Variants in TTC27 observed in about 807,000 individuals in gnomAD.
The protein encoded by TTC27 is tetratricopeptide repeat domain 27.
TTC27 carries 79 observed loss-of-function variants against 115.9 expected under a neutral mutation model. The observed-to-expected ratio is 0.68, with a 90% CI of 0.57 to 0.82. The LOEUF (loss-of-function observed/expected upper bound fraction) is 0.82, where lower values mean the gene tolerates loss of function less well. TTC27 is among the 40% of genes least tolerant of loss of function. The pLI is 0.00. For missense variants in TTC27, 1,054 were observed against 993.1 expected, an observed-to-expected ratio of 1.06 and a Z score of -0.82; for synonymous variants, 401 against 356.0, an observed-to-expected ratio of 1.13 and a Z score of -1.42.
rs1665787363 is a variant in TTC27, at chr2:32,666,652, A to G, written c.823A>G (p.Thr275Ala). Residue 275 changes from threonine to alanine, a missense_variant, in exon 7 of 20, where the codon ACA (threonine) becomes GCA (alanine). Transcript: ENST00000317907. ...IDLTGALGKR[T>A]RFQENYVAQL... ...TTTTTCAGGTGCTTTGGGAAAAAGA[A>G]CACGGTTCCAGGAAAATTATGTGGC... 1.2e-6 allele frequency: 2 copies of G among 1,613,836 alleles called. No individual in the cohort carries two copies. Among genetic ancestry groups the G allele is most frequent in the East Asian group, 2.2e-5 (1 of 44,884 alleles).
intron 12 of TTC27, among the ~76,000 whole-genome samples, chr2:32,754,679 C>T (rs59146030): frequency 6.6e-6 from 1 of 150,452 alleles, no homozygotes; most frequent in East Asian, 2.0e-4. Flanking sequence ...CAGACGGGGT[C>T]GTGGCCGGGC....
intron 6 of TTC27, among the ~76,000 whole-genome samples, chr2:32,665,012 T>A (rs1018534065): frequency 5.3e-5 from 8 of 151,636 alleles, no homozygotes; most frequent in East Asian, 1.9e-4. Flanking sequence ...TTTTTTATTT[T>A]TTTTTTGTAT....
intron 16 of TTC27, among the ~76,000 whole-genome samples, chr2:32,805,421 AGTTT>A (rs1671095530): frequency 1.3e-5 from 2 of 152,326 alleles, no homozygotes; most frequent in Admixed American, 1.3e-4. Flanking sequence ...ACCATGAGAA[AGTTT>A]GTTTTACCTC....
intron 4 of TTC27, among the ~76,000 whole-genome samples, chr2:32,644,696 T>C (rs1664784397): frequency 6.6e-6 from 1 of 152,074 alleles, no homozygotes; most frequent in Non-Finnish European, 1.5e-5. Flanking sequence ...CCTGAGTAGC[T>C]GGAACTTCAG....
chr2:32,819,128 AG>A (rs1481202063), intron 19 of TTC27, among the ~76,000 whole-genome samples: 1 of 152,200 alleles, frequency 6.6e-6, no homozygotes, highest in Non-Finnish European at 1.5e-5. Flanking sequence ...TTACTTCTTC[AG>A]GGTATACTGT....
At chr2:32,800,702 G>A (rs1262191794) in intron 16 of TTC27, among the ~76,000 whole-genome samples, 1 of 151,666 alleles carries the variant, frequency 6.6e-6, no homozygotes, top group African/African-American at 2.4e-5. Flanking sequence ...GTTTCACCGT[G>A]TTGGCCAGGA....
Position 32,709,464 on chromosome 2 carries a change from C to T in TTC27, c.1233+6544C>T, listed in dbSNP as rs4380293. 6.0e-3 allele frequency among the ~76,000 whole-genome samples: 914 copies of T among 152,204 alleles called. 9 individuals carry two copies. Among genetic ancestry groups the T allele is most frequent in the Non-Finnish European group, 8.0e-3 (543 of 68,016 alleles). On this transcript the variant is annotated intron_variant, in intron 10 of 19. Coordinates refer to ENST00000317907, the MANE Select transcript of TTC27 (RefSeq NM_017735.5). ...TCAGACTTTGAAATATTTGCATATA[C>T]GTAATGAGATATTTTGGGGATGGGA... is the stretch of plus-strand genomic sequence containing the variant.
intron 4 of TTC27, among the ~76,000 whole-genome samples, chr2:32,641,962 TCTC>T (rs1168320461): frequency 6.6e-6 from 1 of 152,182 alleles, no homozygotes; most frequent in Non-Finnish European, 1.5e-5. Flanking sequence ...TTCACACCAT[TCTC>T]CTGCCTCAGC....
chr2:32,668,425 A>T (rs2151881913), intron 7 of TTC27, among the ~76,000 whole-genome samples: 1 of 151,820 alleles, frequency 6.6e-6, no homozygotes, highest in East Asian at 1.9e-4. Context: ...TAAATAGGAT[A>T]TGATGAGTAT....
intron 4 of TTC27, among the ~76,000 whole-genome samples, chr2:32,641,063 T>C (rs1387616776): frequency 1.3e-5 from 2 of 152,172 alleles, no homozygotes; most frequent in African/African-American, 4.8e-5. Context: ...GAATTTCATG[T>C]AGGATAATGA....
intron 19 of TTC27, among the ~76,000 whole-genome samples, chr2:32,820,054 C>A (rs1558360637): frequency 6.6e-6 from 1 of 152,338 alleles, no homozygotes; most frequent in African/African-American, 2.4e-5. Context: ...AAATGCTGTA[C>A]AAATCATGTA....
At chr2:32,680,884 G>A (rs548286271) in intron 9 of TTC27, among the ~76,000 whole-genome samples, 1 of 152,246 alleles carries the variant, frequency 6.6e-6, no homozygotes, top group South Asian at 2.1e-4. Flanking sequence ...GTGTGTGGCG[G>A]GGGTTCCCTT....
chr2:32,799,519 A>G (rs1670849457), intron 16 of TTC27, among the ~76,000 whole-genome samples: 1 of 152,234 alleles, frequency 6.6e-6, no homozygotes, highest in Non-Finnish European at 1.5e-5. Flanking sequence ...TCTATGCTAA[A>G]TATTTTTAAT....
rs567445021 is a variant in TTC27, at chr2:32,718,324, C to G, written c.1233+15404C>G. ...TGATGTTATAGGAGATTTCTTCCAT[C>G]TTTTCTCCTGTATTACTAATTTTGA... On this transcript the variant is annotated intron_variant, in intron 10 of 19. Coordinates refer to ENST00000317907, the MANE Select transcript of TTC27 (RefSeq NM_017735.5). 2.0e-5 allele frequency among the ~76,000 whole-genome samples: 3 copies of G among 152,230 alleles called. No homozygotes were observed. The South Asian group carries it at 6.2e-4, about 32-fold the overall frequency.
At chr2:32,647,660 G>T (rs1055786851) in intron 4 of TTC27, among the ~76,000 whole-genome samples, 2 of 152,128 alleles carry the variant, frequency 1.3e-5, no homozygotes, top group Non-Finnish European at 2.9e-5. Context: ...GTCAAATGAA[G>T]AAATTAAGTT....
chr2:32,721,460 C>T (rs1461934670), intron 10 of TTC27, among the ~76,000 whole-genome samples: 1 of 152,122 alleles, frequency 6.6e-6, no homozygotes, highest in Non-Finnish European at 1.5e-5. Context: ...TTGCTTTTCT[C>T]CACCTTCTAC....
At chr2:32,794,327 AG>A (rs1487307678) in intron 16 of TTC27, among the ~76,000 whole-genome samples, 1 of 152,236 alleles carries the variant, frequency 6.6e-6, no homozygotes, top group African/African-American at 2.4e-5. Flanking sequence ...AATTATGGAA[AG>A]TAAACAACAC....
chr2:32,702,914 G>C lies in TTC27; in HGVS notation c.1227G>C (p.Gln409His), dbSNP rs1318780477. The change falls in exon 10 of 20, where the codon CAG becomes CAC. Residue 409 changes from glutamine (Q) to histidine (H), a missense_variant. Gln to His is a conservative substitution (Grantham distance 24). Coordinates refer to ENST00000317907, the MANE Select transcript of TTC27 (RefSeq NM_017735.5). ...STRRVERAMR[Q>H]TQALADQFED... is the part of the protein sequence containing the mutation. ...GCCGAGTGGAACGGGCAATGAGGCA[G>C]ACACAGGTAAGAATTAATGTGGCAA... The C allele has an allele frequency of 6.2e-7, 1 of 1,613,044 alleles. No homozygotes were observed. Among genetic ancestry groups the C allele is most frequent in the East Asian group, 2.2e-5 (1 of 44,872 alleles).
intron 16 of TTC27, among the ~76,000 whole-genome samples, chr2:32,798,621 C>T (rs1251386449): frequency 7.0e-6 from 1 of 142,178 alleles, no homozygotes; most frequent in Non-Finnish European, 1.5e-5. Flanking sequence ...AGGAGAATGG[C>T]ATGAACCCGG....
Sources: allele counts gnomAD v4.1 joint callset (sites outside exome capture counted in the v4.1 genomes callset), GRCh38; gene constraint gnomAD v4.1.1; transcripts MANE v1.5; gene names NCBI Gene and HGNC (gene_info 2026-07-23, HGNC 2026-07-21).